Variants in R3HDM1 observed in about 807,000 individuals in gnomAD.
R3HDM1 encodes R3H domain-containing protein 1.
Under a neutral mutation model 141.1 loss-of-function variants are expected in R3HDM1, and 46 were observed. The ratio of observed to expected loss-of-function variants is 0.33; its 90% CI spans 0.26 to 0.42. The LOEUF (loss-of-function observed/expected upper bound fraction) is 0.42, where lower values mean the gene tolerates loss of function less well. Ranked by LOEUF, R3HDM1 falls within the 10% of genes least tolerant of loss-of-function variation. The pLI is 1.00. For synonymous variants in R3HDM1, 435 were observed against 472.9 expected (o/e 0.92, Z 1.04); for missense variants, 1,184 against 1,368.3 (o/e 0.87, Z 2.12).
At chr2:135,638,862 A>C (rs1248406612) in intron 13 of R3HDM1, 34 bp from the exon 14 acceptor site, 2 of 1,612,094 alleles carry the variant, frequency 1.2e-6, no homozygotes, top group African/African-American at 2.7e-5. Flanking sequence ...GTTCCCCTGC[A>C]TTAGCTTTTC....
At chr2:135,533,414 G>A (rs1192738303) in intron 1 of R3HDM1, among the ~76,000 whole-genome samples, 1 of 152,144 alleles carries the variant, frequency 6.6e-6, no homozygotes, top group East Asian at 1.9e-4. Context: ...TTATACAATC[G>A]ATACTTTCAG....
intron 18 of R3HDM1, among the ~76,000 whole-genome samples, chr2:135,653,916 T>G (rs2065453917): frequency 1.3e-5 from 2 of 152,198 alleles, no homozygotes; most frequent in Non-Finnish European, 2.9e-5. Context: ...ATGTGGTTTT[T>G]TGTTCAGGGT....
At chr2:135,586,975 C>T in intron 1 of R3HDM1, 1 of 985,078 alleles carries the variant, frequency 1.0e-6, no homozygotes, top group South Asian at 4.7e-5. Context: ...AGAATCTTAA[C>T]TTTCAAAACT....
intron 1 of R3HDM1, among the ~76,000 whole-genome samples, chr2:135,549,780 G>T (rs368279655): frequency 6.6e-6 from 1 of 152,086 alleles, no homozygotes; most frequent in South Asian, 2.1e-4. Flanking sequence ...GGTGTTTTAC[G>T]GGGTAATGAA....
chr2:135,619,180 A>T (rs1226609343), intron 5 of R3HDM1, among the ~76,000 whole-genome samples: 4 of 152,186 alleles, frequency 2.6e-5, no homozygotes, highest in East Asian at 1.9e-4. Context: ...TGACAGTCTA[A>T]AGAGATTGAG....
At chr2:135,571,415 T>C (rs535560479) in intron 1 of R3HDM1, among the ~76,000 whole-genome samples, 1 of 147,586 alleles carries the variant, frequency 6.8e-6, no homozygotes, top group African/African-American at 2.5e-5. Context: ...AACCTCCACC[T>C]CCCCGGTTCA....
chr2:135,705,262 G>C (rs181263470), intron 21 of R3HDM1, among the ~76,000 whole-genome samples: 1 of 152,298 alleles, frequency 6.6e-6, no homozygotes, highest in Non-Finnish European at 1.5e-5. Context: ...AGTGCTAATG[G>C]CATGTTTGTT....
intron 18 of R3HDM1, among the ~76,000 whole-genome samples, chr2:135,660,576 T>C (rs527926990): frequency 6.6e-6 from 1 of 152,240 alleles, no homozygotes; most frequent in South Asian, 2.1e-4. Context: ...CCAGGCTCAG[T>C]GGCTCATGCC....
intron 9 of R3HDM1, among the ~76,000 whole-genome samples, chr2:135,632,292 T>C (rs1194004546): frequency 1.3e-5 from 2 of 150,388 alleles, no homozygotes; most frequent in East Asian, 3.9e-4. Flanking sequence ...ATTTTTAAAA[T>C]TAATTTAGAC....
In R3HDM1 at chr2:135,531,777, C is replaced by T. The variant is rs889472966; in HGVS notation, c.-250+144C>T. On this transcript the variant is annotated intron_variant, in intron 1 of 26. Coordinates refer to ENST00000683871, the MANE Select transcript of R3HDM1 (RefSeq NM_001378107.1). The stretch of plus-strand genomic sequence containing the variant: ...GTGTGTGGAAAGGTGGCCTTCCCCG[C>T]CGGGTCGTCGGCGCTTCAGCCAGGG... The T allele has an allele frequency of 3.0e-6, 3 of 985,592 alleles. No homozygotes were observed. In the African/African-American group the frequency reaches 5.2e-5, roughly 17 times the overall value. 61.1% of individuals were successfully genotyped at this position (985,592 alleles called of 1,614,324 possible).
intron 19 of R3HDM1, among the ~76,000 whole-genome samples, chr2:135,674,013 C>T (rs747247113): frequency 1.3e-5 from 2 of 152,154 alleles, no homozygotes; most frequent in African/African-American, 2.4e-5. Flanking sequence ...CTTCCATCCA[C>T]CCAATCCATC....
intron 1 of R3HDM1, among the ~76,000 whole-genome samples, chr2:135,558,641 A>G (rs1449174533): frequency 1.3e-5 from 2 of 152,222 alleles, no homozygotes; most frequent in Non-Finnish European, 2.9e-5. Flanking sequence ...CCAGTAATCC[A>G]ACAGTTAAAA....
intron 5 of R3HDM1, among the ~76,000 whole-genome samples, chr2:135,621,203 T>A (rs1435175039): frequency 3.3e-5 from 5 of 152,046 alleles, no homozygotes; most frequent in African/African-American, 1.2e-4. Flanking sequence ...CTCCGGGGAT[T>A]TTACAAGTTG....
chr2:135,709,359 A>G, intron 21 of R3HDM1, 74 bp from the exon 22 acceptor site: 2 of 1,580,862 alleles, frequency 1.3e-6, no homozygotes, highest in Non-Finnish European at 1.7e-6. Flanking sequence ...AGGCGTGAGC[A>G]CCGCGCCCAG....
In R3HDM1 at chr2:135,710,616, C is replaced by T. The variant is rs186382374; in HGVS notation, c.2736+385C>T. 2.3e-4 allele frequency among the ~76,000 whole-genome samples: 35 copies of T among 152,052 alleles called. No individual in the cohort carries two copies. The East Asian group carries it at 6.4e-3, about 28-fold the overall frequency. ...AGTGAGCCAAGATCGTGCCATTGCA[C>T]TCCAGCCTGGGCAACAAGAGTGTAA... is the stretch of plus-strand genomic sequence containing the variant. On this transcript the variant is annotated intron_variant, in intron 23 of 26. Transcript: ENST00000683871.
At chr2:135,661,724 G>A (rs1377823947) in intron 19 of R3HDM1, among the ~76,000 whole-genome samples, 1 of 152,180 alleles carries the variant, frequency 6.6e-6, no homozygotes, top group African/African-American at 2.4e-5. Flanking sequence ...CAAAAGAGAG[G>A]CAAGGCGAGG....
At chr2:135,582,126 G>A (rs1251609285) in intron 1 of R3HDM1, among the ~76,000 whole-genome samples, 2 of 152,112 alleles carry the variant, frequency 1.3e-5, no homozygotes, top group Non-Finnish European at 2.9e-5. Flanking sequence ...TCAGGAATTC[G>A]TTACCAGCCT....
rs769901090 is a variant in R3HDM1, at chr2:135,626,205, G to GTGTGTGCTTGCTTGCTTGCT, written c.497+3475_497+3476insTGTGCTTGCTTGCTTGCTTG. 9.6e-3 allele frequency among the ~76,000 whole-genome samples: 1,114 copies of GTGTGTGCTTGCTTGCTTGCT among 116,190 alleles called. 16 individuals are homozygous for GTGTGTGCTTGCTTGCTTGCT. The highest frequency in any genetic ancestry group is 0.044 in the African/African-American group (1,014 of 23,310). The allele number at this position is 116,190 out of a possible 152,430, so 76.2% of individuals were successfully genotyped here. On this transcript the variant is annotated intron_variant, in intron 7 of 26. Transcript: ENST00000683871. The stretch of plus-strand genomic sequence containing the variant: ...CTTGCGTGCGTGCGTGCGTGCGTGC[G>GTGTGTGCTTGCTTGCTTGCT]TGCGTGCTTGCTTGCTTGCTTGCTT...
chr2:135,555,500 C>T (rs1258154894), intron 1 of R3HDM1, among the ~76,000 whole-genome samples: 1 of 152,072 alleles, frequency 6.6e-6, no homozygotes, highest in Non-Finnish European at 1.5e-5. Context: ...GGAAGTTCCT[C>T]AATTTGTTAA....
Sources: gnomAD v4.1 joint callset for allele counts (sites outside exome capture counted in the v4.1 genomes callset) on GRCh38, gnomAD v4.1.1 for gene constraint, MANE v1.5 for transcripts, NCBI Gene and HGNC (gene_info 2026-07-23, HGNC 2026-07-21) for gene names.